Variants in SDK1 observed in about 807,000 individuals in gnomAD.
SDK1 encodes protein sidekick-1.
In SDK1, 157 loss-of-function variants were observed where a neutral mutation model predicts 245.5. That is an observed-to-expected ratio of 0.64 (90% CI 0.56 to 0.73). The LOEUF is 0.73. Ranked by LOEUF, SDK1 falls within the 30% of genes least tolerant of loss-of-function variation. The probability of loss-of-function intolerance (pLI) is 0.00; values close to 1 mark genes in which losing one functional copy is unlikely to be tolerated. For synonymous variants in SDK1, 1,647 were observed against 1,278.5 expected (o/e 1.29, Z -6.15); for missense variants, 3,583 against 3,002.3 (o/e 1.19, Z -4.52).
At chr7:3,594,912 A>T (rs1249609126) in intron 1 of SDK1, among the ~76,000 whole-genome samples, 1 of 152,206 alleles carries the variant, frequency 6.6e-6, no homozygotes, top group Admixed American at 6.5e-5. Context: ...GGTAAAGCTA[A>T]ATCATCATTA....
In SDK1 at chr7:3,951,792, A is replaced by C. The variant is rs763997285; in HGVS notation, c.1022A>C (p.His341Pro). Residue 341 changes from histidine to proline, a missense_variant, in exon 7 of 45, where the codon CAC (histidine) becomes CCC (proline). Transcript: ENST00000404826. ...GGAGTGAGAATCACCAGTGGCCTCC[A>C]CAGCTTTGGAAGACGCCTCACCATC... ...RNGVRITSGL[H>P]SFGRRLTISN... 1 of 1,613,842 alleles carries C rather than the reference A, an allele frequency of 6.2e-7. No homozygotes were observed. The highest frequency in any genetic ancestry group is 8.5e-7 in the Non-Finnish European group (1 of 1,179,948).
chr7:4,186,598 G>A (rs1782911091), intron 35 of SDK1, among the ~76,000 whole-genome samples: 1 of 152,164 alleles, frequency 6.6e-6, no homozygotes, highest in African/African-American at 2.4e-5. Flanking sequence ...CGGCGGTCCT[G>A]GGGGCTTCTG....
At chr7:3,946,784 G>A (rs1467377488) in intron 5 of SDK1, among the ~76,000 whole-genome samples, 2 of 152,152 alleles carry the variant, frequency 1.3e-5, no homozygotes, top group African/African-American at 2.4e-5. Flanking sequence ...TCAGAGTGAC[G>A]AGTCCACACC....
chr7:3,627,432 G>A (rs992225257), intron 2 of SDK1, among the ~76,000 whole-genome samples: 2 of 152,170 alleles, frequency 1.3e-5, no homozygotes, highest in Admixed American at 6.5e-5. Flanking sequence ...TCCAGATTGC[G>A]GTGCTGGCCT....
chr7:4,008,579 C>T (rs761342308), intron 14 of SDK1, among the ~76,000 whole-genome samples: 37 of 152,044 alleles, frequency 2.4e-4, no homozygotes, highest in Non-Finnish European at 5.0e-4. Flanking sequence ...TAAAAGAAAG[C>T]GAAGAGGAAA....
In SDK1 at chr7:4,213,746, C is replaced by G. The variant is rs12112881; in HGVS notation, c.5539+3584C>G. Among the ~76,000 whole-genome samples the G allele has an allele frequency of 3.9e-3, 591 of 152,284 alleles. 5 individuals are homozygous for G. The highest frequency in any genetic ancestry group is 0.014 in the African/African-American group (567 of 41,560). On this transcript the variant is annotated intron_variant, in intron 38 of 44. Transcript: ENST00000404826. The stretch of plus-strand genomic sequence containing the variant: ...GCTTCTACCAAACCTTCCCCCTAGC[C>G]CAGTCTCCCAGACACAAGACCCTGC...
At chr7:4,052,209 C>A (rs1195665680) in intron 19 of SDK1, among the ~76,000 whole-genome samples, 1 of 149,098 alleles carries the variant, frequency 6.7e-6, no homozygotes, top group East Asian at 2.0e-4. Context: ...CTTTCCTGAC[C>A]CTCGCTCCCA....
intron 7 of SDK1, among the ~76,000 whole-genome samples, chr7:3,957,265 G>A (rs1041323166): frequency 3.3e-5 from 5 of 152,198 alleles, no homozygotes; most frequent in Non-Finnish European, 7.3e-5. Flanking sequence ...GGACGTGCAT[G>A]TGCCGTCTTT....
chr7:3,788,815 C>A (rs555473332), intron 4 of SDK1, among the ~76,000 whole-genome samples: 1 of 152,180 alleles, frequency 6.6e-6, no homozygotes, highest in Non-Finnish European at 1.5e-5. Context: ...AAGCATCATT[C>A]GCCCTTGCCT....
At chr7:3,724,735 A>G (rs1778958913) in intron 4 of SDK1, among the ~76,000 whole-genome samples, 1 of 152,172 alleles carries the variant, frequency 6.6e-6, no homozygotes, top group African/African-American at 2.4e-5. Context: ...TGTACTGTCT[A>G]CCAGCTCGCC....
At chr7:3,724,006 T>G (rs1055694869) in intron 4 of SDK1, among the ~76,000 whole-genome samples, 1 of 150,236 alleles carries the variant, frequency 6.7e-6, no homozygotes, top group African/African-American at 2.4e-5. Context: ...ACCTGTTGCC[T>G]AGGCTGGAGT....
intron 1 of SDK1, among the ~76,000 whole-genome samples, chr7:3,509,925 G>A (rs1460622026): frequency 6.6e-6 from 1 of 152,148 alleles, no homozygotes; most frequent in South Asian, 2.1e-4. Flanking sequence ...ACAGATGCCA[G>A]GGCTTCACCC....
rs74666375 is a variant in SDK1, at chr7:3,666,488, C to G, written c.713+24383C>G. 1.2e-3 allele frequency among the ~76,000 whole-genome samples: 182 copies of G among 152,254 alleles called. 1 individual carries two copies. Among genetic ancestry groups the G allele is most frequent in the African/African-American group, 4.3e-3 (177 of 41,550 alleles). On this transcript the variant is annotated intron_variant, in intron 4 of 44. Coordinates refer to ENST00000404826, the MANE Select transcript of SDK1 (RefSeq NM_152744.4). ...CAGGCTCCTGCCCTCACCCTGCTGC[C>G]GACACACAGCAGGTTCAGTGTGGTT...
chr7:3,856,316 T>C (rs1183906413), intron 5 of SDK1, among the ~76,000 whole-genome samples: 1 of 151,710 alleles, frequency 6.6e-6, no homozygotes, highest in African/African-American at 2.4e-5. Context: ...AGAAAATATA[T>C]GAAAAGAGGG....
chr7:4,149,362 C>G lies in SDK1; in HGVS notation c.4524C>G (p.Pro1508=), dbSNP rs777042716. The G allele has an allele frequency of 3.8e-6, 6 of 1,592,850 alleles. No homozygotes were observed. Among genetic ancestry groups the G allele is most frequent in the Admixed American group, 1.7e-5 (1 of 57,204 alleles). ...QWVPGSDGAS[P]IRYFTMQVRE... ...TCCCGGGCAGCGACGGGGCCTCCCC[C>G]ATCCGGTACTTCACCATGCAGGTGC... The change falls in exon 30 of 45, where the codon CCC becomes CCG. Residue 1508 remains proline (P), a synonymous_variant. Coordinates refer to ENST00000404826, the MANE Select transcript of SDK1 (RefSeq NM_152744.4).
At chr7:3,964,918 A>T (rs1359271828) in intron 9 of SDK1, among the ~76,000 whole-genome samples, 1 of 152,220 alleles carries the variant, frequency 6.6e-6, no homozygotes, top group Non-Finnish European at 1.5e-5. Flanking sequence ...TTTGGAGCTT[A>T]GGAAACCAAT....
chr7:3,410,368 C>T (rs765967563), intron 1 of SDK1, among the ~76,000 whole-genome samples: 1 of 152,002 alleles, frequency 6.6e-6, no homozygotes, highest in South Asian at 2.1e-4. Context: ...TCATATTAGA[C>T]CTGTGTCCCA....
chr7:3,602,208 G>A (rs1781275614), intron 1 of SDK1, among the ~76,000 whole-genome samples: 2 of 151,694 alleles, frequency 1.3e-5, no homozygotes, highest in Non-Finnish European at 2.9e-5. Context: ...TGGGATGGCT[G>A]GGTCAAATGG....
intron 1 of SDK1, among the ~76,000 whole-genome samples, chr7:3,562,125 C>T (rs908530098): frequency 5.3e-5 from 8 of 152,166 alleles, no homozygotes; most frequent in African/African-American, 1.7e-4. Flanking sequence ...CCAGTGTTCA[C>T]CTGGGGAATA....
Sources: allele counts gnomAD v4.1 joint callset (sites outside exome capture counted in the v4.1 genomes callset), GRCh38; gene constraint gnomAD v4.1.1; transcripts MANE v1.5; gene names NCBI Gene and HGNC (gene_info 2026-07-23, HGNC 2026-07-21).